Variants in SNX24 observed in about 807,000 individuals in gnomAD.
The protein encoded by SNX24 is sorting nexin-24.
Under a neutral mutation model 28.7 loss-of-function variants are expected in SNX24, and 22 were observed. The observed-to-expected ratio is 0.77, with a 90% CI of 0.55 to 1.10. The LOEUF is 1.10. SNX24 is among the 50% of genes least tolerant of loss of function. SNX24 has a pLI of 0.00. For synonymous variants in SNX24, 69 were observed against 71.5 expected, an observed-to-expected ratio of 0.96 and a Z score of 0.18; for missense variants, 221 against 201.1, an observed-to-expected ratio of 1.10 and a Z score of -0.60.
intron 1 of SNX24, among the ~76,000 whole-genome samples, chr5:122,852,947 C>T (rs536694431): frequency 2.0e-5 from 3 of 152,188 alleles, no homozygotes; most frequent in African/African-American, 4.8e-5. Context: ...CACAATTCCA[C>T]GCCATGTCCT....
At chr5:122,991,222 G>T (rs1761833782) in intron 3 of SNX24, among the ~76,000 whole-genome samples, 1 of 151,884 alleles carries the variant, frequency 6.6e-6, no homozygotes, top group African/African-American at 2.4e-5. Flanking sequence ...AATTTATTTG[G>T]ATTTTTTTTT....
Position 123,008,825 on chromosome 5 carries a change from A to T in SNX24, c.*1076A>T. On this transcript the variant is annotated 3_prime_UTR_variant, in exon 7 of 7. Coordinates refer to ENST00000261369, the MANE Select transcript of SNX24 (RefSeq NM_014035.4). ...TGTGTTTATGATATAACTCCACTGT[A>T]CATCATCCTTTGAGTAGTAAAGGAT... 1 of 956,574 alleles carries T rather than the reference A, an allele frequency of 1.0e-6. No individual in the cohort carries two copies. The highest frequency in any genetic ancestry group is 1.2e-6 in the Non-Finnish European group (1 of 803,194). The allele number at this position is 956,574 out of a possible 1,614,324, so 59.3% of individuals were successfully genotyped here. A position where few individuals can be genotyped will look rare whatever the true frequency, so the allele number is the denominator to read the frequency against.
chr5:123,027,205 A>T (rs1762872558), intron 5 of SNX24, among the ~76,000 whole-genome samples: 1 of 152,132 alleles, frequency 6.6e-6, no homozygotes, highest in African/African-American at 2.4e-5. Flanking sequence ...AAAGAAAAAA[A>T]AAGCCCAGAA....
chr5:122,874,309 C>A (rs79611694), intron 1 of SNX24, among the ~76,000 whole-genome samples: 1,691 of 152,288 alleles, frequency 0.011, 12 homozygotes, highest in Non-Finnish European at 0.018. Flanking sequence ...CCTCAGATTA[C>A]GTTTAGCTAA....
At chr5:122,904,217 T>C (rs1757553399) in intron 1 of SNX24, among the ~76,000 whole-genome samples, 1 of 152,030 alleles carries the variant, frequency 6.6e-6, no homozygotes, top group Admixed American at 6.6e-5. Flanking sequence ...AGTTTCACTC[T>C]TGTTGCCCAG....
At chr5:122,966,864 T>A (rs1384719007) in intron 3 of SNX24, among the ~76,000 whole-genome samples, 3 of 152,228 alleles carry the variant, frequency 2.0e-5, no homozygotes, top group Middle Eastern at 3.2e-3. Flanking sequence ...CTACCATTTT[T>A]TCCTCAGATC....
intron 3 of SNX24, among the ~76,000 whole-genome samples, chr5:122,979,328 T>G (rs1051510822): frequency 6.6e-6 from 1 of 152,218 alleles, no homozygotes; most frequent in Non-Finnish European, 1.5e-5. Context: ...TTTGGTTCTG[T>G]TCTGCGGCCC....
At chr5:122,880,746 G>C (rs562441543) in intron 1 of SNX24, among the ~76,000 whole-genome samples, 3 of 152,322 alleles carry the variant, frequency 2.0e-5, no homozygotes, top group African/African-American at 7.2e-5. Context: ...GAGTACAATA[G>C]AAGGAGTAGG....
intron 1 of SNX24, among the ~76,000 whole-genome samples, chr5:122,899,916 A>G (rs764141012): frequency 3.3e-5 from 5 of 152,246 alleles, no homozygotes; most frequent in African/African-American, 4.8e-5. Flanking sequence ...GGACTTTAGT[A>G]GAACCCATTT....
At chr5:122,999,887 C>G (rs369562615) in intron 3 of SNX24, 25 bp from the exon 4 acceptor site, 1 of 1,437,326 alleles carries the variant, frequency 7.0e-7, no homozygotes, top group Non-Finnish European at 9.8e-7. Context: ...ACTTCAGTTT[C>G]GAATTCTGTT....
intron 1 of SNX24, among the ~76,000 whole-genome samples, chr5:122,884,121 C>G (rs1756592805): frequency 6.6e-6 from 1 of 152,110 alleles, no homozygotes. Flanking sequence ...ATTTGGAAGT[C>G]TCAGATATGA....
chr5:122,853,671 C>A, intron 1 of SNX24: 1 of 374,362 alleles, frequency 2.7e-6, no homozygotes, highest in Non-Finnish European at 5.5e-6. Flanking sequence ...TTTTTTCGTA[C>A]AGGTGAGGGT....
At chr5:122,946,555 C>T (rs1759693793) in intron 3 of SNX24, among the ~76,000 whole-genome samples, 1 of 152,040 alleles carries the variant, frequency 6.6e-6, no homozygotes, top group East Asian at 1.9e-4. Flanking sequence ...AAACTGAACT[C>T]ACAGCGGGCC....
intron 1 of SNX24, among the ~76,000 whole-genome samples, chr5:122,862,601 CAAAAAAAAAA>C (rs1211312668): frequency 1.8e-5 from 1 of 56,058 alleles, no homozygotes; most frequent in African/African-American, 6.7e-5. Flanking sequence ...GACTCTGTCT[CAAAAAAAAAA>C]AAAAAAAAGA....
intron 3 of SNX24, among the ~76,000 whole-genome samples, chr5:122,955,824 TC>T (rs1192197253): frequency 2.0e-5 from 3 of 152,264 alleles, no homozygotes; most frequent in South Asian, 4.1e-4. Flanking sequence ...AAAGCCCTGG[TC>T]CCTTACGAGG....
intron 1 of SNX24, among the ~76,000 whole-genome samples, chr5:122,897,647 T>C (rs1244514664): frequency 6.6e-6 from 1 of 152,212 alleles, no homozygotes; most frequent in African/African-American, 2.4e-5. Context: ...GTGCAATGAA[T>C]ATGTGTGTGT....
intron 5 of SNX24, chr5:123,025,858 A>C: frequency 6.2e-7 from 1 of 1,614,178 alleles, no homozygotes; most frequent in Non-Finnish European, 8.5e-7. Context: ...GTGATAAAGA[A>C]CTGAGAGCCA....
intron 1 of SNX24, among the ~76,000 whole-genome samples, chr5:122,892,475 A>AGAGTCTCACTTTG (rs1263169473): frequency 1.3e-5 from 2 of 151,640 alleles, no homozygotes; most frequent in African/African-American, 4.8e-5. Context: ...TTATTGAGAC[A>AGAGTCTCACTTTG]GAGTCTCGCT....
At chr5:122,964,247 CAAAAAAAAAAAAAA>C in intron 3 of SNX24, among the ~76,000 whole-genome samples, 2 of 36,580 alleles carry the variant, frequency 5.5e-5, no homozygotes, top group Middle Eastern at 0.014. Flanking sequence ...GACTCCATCT[CAAAAAAAAAAAAAA>C]AAAAAAAAAA....
Sources: allele counts gnomAD v4.1 joint callset (sites outside exome capture counted in the v4.1 genomes callset), GRCh38; gene constraint gnomAD v4.1.1; transcripts MANE v1.5; gene names NCBI Gene and HGNC (gene_info 2026-07-23, HGNC 2026-07-21).